The following WRN variants were observed in gnomAD, a reference collection of about 807,000 sequenced individuals.
WRN encodes the protein bifunctional 3'-5' exonuclease/ATP-dependent helicase WRN.
WRN carries 149 observed loss-of-function variants against 180.7 expected under a neutral mutation model. The ratio of observed to expected loss-of-function variants is 0.82; its 90% CI spans 0.72 to 0.94. The LOEUF is 0.94. Ranked by LOEUF, WRN falls within the 40% of genes least tolerant of loss-of-function variation. The pLI is 0.00. For missense variants in WRN, 1,661 were observed against 1,700.1 expected, an observed-to-expected ratio of 0.98 and a Z score of 0.40; for synonymous variants, 548 against 568.9, an observed-to-expected ratio of 0.96 and a Z score of 0.52.
chr8:31,080,070 A>G (rs918312000), intron 8 of WRN, among the ~76,000 whole-genome samples: 1 of 152,108 alleles, frequency 6.6e-6, no homozygotes, highest in Admixed American at 6.6e-5. Context: ...TAGTAGAGAC[A>G]GGGTTTTGCC....
intron 1 of WRN, among the ~76,000 whole-genome samples, chr8:31,051,396 AAGCTACCCTTTCTT>A: frequency 6.6e-6 from 1 of 152,314 alleles, no homozygotes; most frequent in East Asian, 1.9e-4. Context: ...AGTGATTAAA[AAGCTACCCTTTCTT>A]AGCTAATTTG....
At chr8:31,156,019 A>T (rs941671997) in intron 32 of WRN, among the ~76,000 whole-genome samples, 4 of 152,224 alleles carry the variant, frequency 2.6e-5, no homozygotes, top group African/African-American at 9.6e-5. Context: ...AAATAATTCC[A>T]TTATACTATT....
chr8:31,115,388 A>G (rs1801480839), intron 19 of WRN, among the ~76,000 whole-genome samples: 1 of 152,248 alleles, frequency 6.6e-6, no homozygotes. Context: ...CTTTTGCCAC[A>G]GTCCTTAAAG....
chr8:31,128,717 G>A (rs1301255717), intron 23 of WRN, among the ~76,000 whole-genome samples: 6 of 152,126 alleles, frequency 3.9e-5, no homozygotes, highest in African/African-American at 1.4e-4. Flanking sequence ...AAATTAGCCG[G>A]ATGTGGTGGC....
intron 18 of WRN, 52 bp downstream of exon 18, chr8:31,101,007 C>A (rs2130230560): frequency 6.8e-7 from 1 of 1,476,752 alleles, no homozygotes; most frequent in Non-Finnish European, 9.4e-7. Context: ...ATAAGGAGAG[C>A]ATTCAGGATT....
chr8:31,054,437 T>TAGTCTTGAACTCCTGCCCTCAATCAGTCC, intron 1 of WRN, among the ~76,000 whole-genome samples: 1 of 152,156 alleles, frequency 6.6e-6, no homozygotes, highest in Non-Finnish European at 1.5e-5. Flanking sequence ...TTGACCAAGT[T>TAGTCTTGAACTCCTGCCCTCAATCAGTCC]AGTCTTGAAC....
At chr8:31,068,559 G>T (rs1812795403) in intron 7 of WRN, among the ~76,000 whole-genome samples, 1 of 152,074 alleles carries the variant, frequency 6.6e-6, no homozygotes, top group African/African-American at 2.4e-5. Flanking sequence ...TATGTATTTG[G>T]CTTCTAGAGT....
In WRN at chr8:31,149,455, GTTTTTTTTTTTTTTTTTTTTTTTT is replaced by G. The variant is rs71208105; in HGVS notation, c.3573-873_3573-850del. 1.2e-4 allele frequency among the ~76,000 whole-genome samples: 6 copies of G among 51,988 alleles called. 1 individual carries two copies. In the South Asian group the frequency reaches 5.5e-3, roughly 48 times the overall value. The allele number at this position is 51,988 out of a possible 152,430, so 34.1% of individuals were successfully genotyped here. A position where few individuals can be genotyped will look rare whatever the true frequency, so the allele number is the denominator to read the frequency against. On this transcript the variant is annotated intron_variant, in intron 30 of 34. Coordinates refer to ENST00000298139, the MANE Select transcript of WRN (RefSeq NM_000553.6). ...TCTAAGACCATACTTTAATAGAGGTGTTTTTTTTTTTTTTTTTTTTTTTTTTTTTTTTTTTTGGTGATAGAGTCT... is the reference window on the plus strand; with the variant it reads ...TCTAAGACCATACTTTAATAGAGGTGTTTTTTTTTTTTGGTGATAGAGTCT...
At chr8:31,127,601 C>CA (rs376033982) in intron 23 of WRN, among the ~76,000 whole-genome samples, 5 of 150,470 alleles carry the variant, frequency 3.3e-5, no homozygotes, top group South Asian at 2.1e-4. Context: ...AAAACAAAAA[C>CA]AAAAAAAATA....
At chr8:31,130,580 A>G (rs1802120425) in intron 23 of WRN, among the ~76,000 whole-genome samples, 2 of 150,802 alleles carry the variant, frequency 1.3e-5, no homozygotes, top group Admixed American at 1.3e-4. Context: ...CATATTTTAC[A>G]GTCGTTAGCG....
At chr8:31,124,860 A>G (rs1399927780) in intron 22 of WRN, 48 bp from the exon 23 acceptor site, 3 of 1,537,186 alleles carry the variant, frequency 2.0e-6, no homozygotes, top group Admixed American at 1.7e-5. Context: ...TGAACTTAAC[A>G]TATACGTTTC....
At chr8:31,158,795 G>T (rs1339177166) in intron 33 of WRN, among the ~76,000 whole-genome samples, 1 of 152,062 alleles carries the variant, frequency 6.6e-6, no homozygotes, top group African/African-American at 2.4e-5. Flanking sequence ...ATTGATCACG[G>T]TGGAAGCACA....
intron 7 of WRN, among the ~76,000 whole-genome samples, chr8:31,070,039 C>T (rs1812846750): frequency 6.6e-6 from 1 of 151,940 alleles, no homozygotes; most frequent in South Asian, 2.1e-4. Flanking sequence ...ATTTGACCTT[C>T]ACTTTTTTTC....
chr8:31,119,373 T>G (rs577964509), intron 20 of WRN, among the ~76,000 whole-genome samples: 1 of 152,106 alleles, frequency 6.6e-6, no homozygotes, highest in East Asian at 1.9e-4. Context: ...CACTATATCT[T>G]GCCATAGTTT....
chr8:31,118,300 A>G (rs1247068000), intron 20 of WRN, among the ~76,000 whole-genome samples: 1 of 152,176 alleles, frequency 6.6e-6, no homozygotes, highest in African/African-American at 2.4e-5. Context: ...ATTTTTATCC[A>G]CATTACGAAA....
chr8:31,161,446 G>A (rs67722242), intron 33 of WRN, among the ~76,000 whole-genome samples: 9,590 of 152,180 alleles, frequency 0.063, 336 homozygotes, highest in South Asian at 0.088. Flanking sequence ...TACAGCATGT[G>A]ACTTTACTGA....
chr8:31,139,932 C>T (rs150918971), intron 24 of WRN, among the ~76,000 whole-genome samples: 10 of 149,684 alleles, frequency 6.7e-5, no homozygotes, highest in Admixed American at 3.3e-4. Context: ...GAATTACAAT[C>T]GGCCACATTC....
chr8:31,101,894 T>C (rs1218564011), intron 18 of WRN, among the ~76,000 whole-genome samples: 7 of 152,042 alleles, frequency 4.6e-5, no homozygotes, highest in African/African-American at 1.7e-4. Context: ...CACTGTTTTA[T>C]TTTTTATTTT....
chr8:31,163,854 C>CTT (rs34612730), intron 33 of WRN, among the ~76,000 whole-genome samples: 5 of 141,874 alleles, frequency 3.5e-5, no homozygotes, highest in South Asian at 2.2e-4. Flanking sequence ...ACCATGAGCT[C>CTT]TTTTTTTTTT....
Sources: allele counts gnomAD v4.1 joint callset (sites outside exome capture counted in the v4.1 genomes callset), GRCh38; gene constraint gnomAD v4.1.1; transcripts MANE v1.5; gene names NCBI Gene and HGNC (gene_info 2026-07-23, HGNC 2026-07-21).